The following KIAA1671 variants were observed in gnomAD, a reference collection of about 807,000 sequenced individuals.
The protein encoded by KIAA1671 is KIAA1671, also known as uncharacterized protein KIAA1671.
In KIAA1671, 52 loss-of-function variants were observed where a neutral mutation model predicts 131.2. The ratio of observed to expected loss-of-function variants is 0.40; its 90% CI spans 0.32 to 0.50. The LOEUF (loss-of-function observed/expected upper bound fraction) is 0.50. Among genes scored for constraint, KIAA1671 ranks in the 20% least tolerant of loss-of-function variants. KIAA1671 has a pLI of 0.73. For missense variants in KIAA1671, 2,360 were observed against 2,364.2 expected, an observed-to-expected ratio of 1.00 and a Z score of 0.04; for synonymous variants, 1,003 against 961.6, an observed-to-expected ratio of 1.04 and a Z score of -0.80.
intron 1 of KIAA1671, chr22:25,014,416 TG>T (rs1479109625): frequency 6.6e-6 from 1 of 152,062 alleles, no homozygotes; most frequent in East Asian, 1.9e-4. Context: ...AATTTTTTTT[TG>T]TTTTTTTTTG....
chr22:24,967,540 A>G (rs1372143462), intron 1 of KIAA1671, among the ~76,000 whole-genome samples: 1 of 152,184 alleles, frequency 6.6e-6, no homozygotes, highest in East Asian at 1.9e-4. Flanking sequence ...CAAGGCCTGC[A>G]CTGGGCCTTG....
At chr22:25,043,618 G>A (rs1927062785) in intron 5 of KIAA1671, among the ~76,000 whole-genome samples, 5 of 152,160 alleles carry the variant, frequency 3.3e-5, no homozygotes, top group Admixed American at 2.0e-4. Flanking sequence ...CCAAGACTGG[G>A]GAGTGATGGG....
intron 11 of KIAA1671, chr22:25,185,563 T>C (rs1365682819): frequency 1.2e-5 from 2 of 164,058 alleles, no homozygotes; most frequent in Non-Finnish European, 2.7e-5. Flanking sequence ...ACTCCCTTCG[T>C]GGAACAGCTA....
intron 1 of KIAA1671, among the ~76,000 whole-genome samples, chr22:24,986,495 ACT>A (rs990279335): frequency 5.3e-5 from 8 of 151,890 alleles, no homozygotes; most frequent in African/African-American, 1.7e-4. Context: ...AGAAAAAAAA[ACT>A]CTGTACCTGT....
rs764702708 is a variant in KIAA1671 at position 25,043,652 on chromosome 22, G to A, written c.4395+2127G>A. On this transcript the variant is annotated intron_variant, in intron 5 of 12. Transcript: ENST00000358431. ...GGGTGCAGAGGGAGGCACTGGAGAG[G>A]TGGCCCAAGGTGTCCTGGAGGAGTC... Among the ~76,000 whole-genome samples, 710 of 152,290 alleles carry A rather than the reference G, an allele frequency of 4.7e-3. 5 individuals carry two copies. The highest frequency in any genetic ancestry group is 7.3e-3 in the Non-Finnish European group (497 of 68,018).
chr22:24,954,812 G>A (rs961474071), intron 1 of KIAA1671, among the ~76,000 whole-genome samples: 1 of 152,016 alleles, frequency 6.6e-6, no homozygotes, highest in Admixed American at 6.6e-5. Flanking sequence ...ATGGAGTCTC[G>A]CTCTGCAGCC....
intron 1 of KIAA1671, among the ~76,000 whole-genome samples, chr22:24,958,839 A>T (rs1253999425): frequency 1.3e-5 from 2 of 149,470 alleles, no homozygotes; most frequent in South Asian, 2.1e-4. Context: ...AAAAATAGCC[A>T]GGTATGGTGG....
rs1930171653 is a variant in KIAA1671, at chr22:25,093,744, C to CTT, written c.4530+44381_4530+44382insTT. Among the ~76,000 whole-genome samples the CTT allele has an allele frequency of 8.1e-4, 85 of 104,992 alleles. 1 individual carries two copies. The highest frequency in any genetic ancestry group is 1.6e-3 in the East Asian group (6 of 3,672). The allele number at this position is 104,992 out of a possible 152,430, so 68.9% of individuals were successfully genotyped here. On this transcript the variant is annotated intron_variant, in intron 6 of 12. Transcript: ENST00000358431. ...ACACACACACACACACACACTCTCT[C>CTT]TCTCTCTCTCTCTCTCTCTCTCTGT...
chr22:25,034,625 T>C (rs890992155), intron 4 of KIAA1671, among the ~76,000 whole-genome samples: 2 of 152,216 alleles, frequency 1.3e-5, no homozygotes, highest in African/African-American at 4.8e-5. Flanking sequence ...ACAATTGGGT[T>C]GTTATCTGTT....
chr22:25,059,120 A>C (rs2179237), intron 6 of KIAA1671: 93,982 of 151,942 alleles, frequency 0.62, 30,652 homozygotes, highest in African/African-American at 0.83. Context: ...GGGCTCTTGA[A>C]GCTCTTGTTC....
intron 6 of KIAA1671, among the ~76,000 whole-genome samples, chr22:25,067,216 C>A (rs969831614): frequency 6.6e-6 from 1 of 152,036 alleles, no homozygotes; most frequent in East Asian, 1.9e-4. Context: ...CTCCCCACAC[C>A]CCCCACCTGG....
In KIAA1671 at chr22:25,038,909, C is replaced by T; in HGVS notation, c.1779C>T (p.Ala593=). 1.3e-6 allele frequency: 2 copies of T among 1,551,664 alleles called. No homozygotes were observed. Among genetic ancestry groups the T allele is most frequent in the East Asian group, 2.4e-5 (1 of 40,898 alleles). The change falls in exon 5 of 13, where the codon GCC becomes GCT. Residue 593 remains alanine (A), a synonymous_variant. Transcript: ENST00000358431. ...DSCRGGSSVE[A]PCPSDVTPED... is the part of the protein sequence containing the mutation. ...GTCGCGGTGGAAGCTCAGTGGAGGCCCCGTGCCCTTCTGACGTCACTCCAG... is the reference window on the plus strand; with the variant it reads ...GTCGCGGTGGAAGCTCAGTGGAGGCTCCGTGCCCTTCTGACGTCACTCCAG...
At chr22:25,019,183 G>A (rs1300821479) in intron 1 of KIAA1671, among the ~76,000 whole-genome samples, 1 of 151,900 alleles carries the variant, frequency 6.6e-6, no homozygotes, top group Non-Finnish European at 1.5e-5. Context: ...AAGCCCATGT[G>A]GATTTTGGTA....
rs940014393 is a variant in KIAA1671, at chr22:25,174,570, C to G, written c.4899+81C>G. 12 of 1,435,448 alleles carry G rather than the reference C, an allele frequency of 8.4e-6. No homozygotes were observed. The Admixed American group carries it at 1.6e-4, about 19-fold the overall frequency. The allele number at this position is 1,435,448 out of a possible 1,614,324, so 88.9% of individuals were successfully genotyped here. A position where few individuals can be genotyped will look rare whatever the true frequency, so the allele number is the denominator to read the frequency against. Reference sequence around the variant, plus strand: ...TGAATTGCCACTTCAGGTGTAGGATCTGTGTGCCAGGGACCCTTGGAGTGG... The same window carrying G: ...TGAATTGCCACTTCAGGTGTAGGATGTGTGTGCCAGGGACCCTTGGAGTGG... On this transcript the variant is annotated intron_variant, in intron 8 of 12. Coordinates refer to ENST00000358431, the MANE Select transcript of KIAA1671 (RefSeq NM_001145206.2).
Position 25,040,246 on chromosome 22 carries a change from A to T in KIAA1671, c.3116A>T (p.Lys1039Met), listed in dbSNP as rs1926836163. The change falls in exon 5 of 13, where the codon AAG (lysine) becomes ATG (methionine). Residue 1039 changes from lysine to methionine, a missense_variant. By Grantham distance (95) the Lys-to-Met change is moderately conservative (BLOSUM62 -1). This residue lies in a region of KIAA1671 where 1,161 missense variants were observed against 1,204.7 expected (regional missense o/e 0.96). Coordinates refer to ENST00000358431, the MANE Select transcript of KIAA1671 (RefSeq NM_001145206.2). ...AVTYQIPNTQ[K>M]AKGVVLSGAE... The stretch of plus-strand genomic sequence containing the variant: ...ACCTATCAGATTCCCAATACTCAAA[A>T]GGCAAAGGGTGTGGTTCTGTCAGGA... 6.4e-7 allele frequency: 1 copy of T among 1,551,668 alleles called. No individual in the cohort carries two copies. The highest frequency in any genetic ancestry group is 1.2e-5 in the South Asian group (1 of 84,052).
chr22:25,103,767 C>T (rs1046772691), intron 6 of KIAA1671, among the ~76,000 whole-genome samples: 10 of 152,252 alleles, frequency 6.6e-5, no homozygotes, highest in South Asian at 4.1e-4. Flanking sequence ...GCTGGGATTA[C>T]GGGCGTGAGC....
In KIAA1671 at chr22:25,041,385, C is replaced by T. The variant is rs1926915009; in HGVS notation, c.4255C>T (p.Arg1419Ter). Residue 1419 changes from arginine to a stop codon, truncating the protein, a stop_gained, in exon 5 of 13, where the codon CGA (arginine) becomes TGA (stop). Coordinates refer to ENST00000358431, the MANE Select transcript of KIAA1671 (RefSeq NM_001145206.2). LOFTEE classifies it high-confidence loss of function. Reference protein sequence around the residue: ...YSEKGPPANIREGLSIMHEAR... With the variant: ...YSEKGPPANI ...AGAGAAGGGGCCCCCTGCCAACATC[C>T]GAGAGGGCCTGTCCATCATGCATGA... 5.8e-6 allele frequency: 9 copies of T among 1,551,608 alleles called. No homozygotes were observed. The highest frequency in any genetic ancestry group is 2.0e-5 in the Admixed American group (1 of 50,980).
intron 6 of KIAA1671, among the ~76,000 whole-genome samples, chr22:25,095,564 T>C (rs531011494): frequency 2.9e-4 from 44 of 152,230 alleles, no homozygotes; most frequent in Admixed American, 2.0e-3. Context: ...GGCAGGAGAA[T>C]GACGTGAACC....
At chr22:25,105,810 G>T (rs1232787382) in intron 6 of KIAA1671, among the ~76,000 whole-genome samples, 1 of 81,246 alleles carries the variant, frequency 1.2e-5, no homozygotes, top group East Asian at 5.0e-4. Flanking sequence ...CTTGTCACAG[G>T]TATGAAGTTG....
Sources: gnomAD v4.1 joint callset for allele counts (sites outside exome capture counted in the v4.1 genomes callset) on GRCh38, gnomAD v4.1.1 for gene constraint, gnomAD v4.1.1 regional missense constraint, MANE v1.5 for transcripts, NCBI Gene and HGNC (gene_info 2026-07-23, HGNC 2026-07-21) for gene names.